GALNT13: variants seen among roughly 807,000 people sequenced by gnomAD.
The protein encoded by GALNT13 is UDP-GalNAc:polypeptide N-acetylgalactosaminyltransferase 13.
A neutral mutation model predicts 64.2 loss-of-function variants in GALNT13; 28 were observed. That is an observed-to-expected ratio of 0.44 (90% confidence interval 0.32 to 0.60). The LOEUF (loss-of-function observed/expected upper bound fraction) is 0.60, where lower values mean the gene tolerates loss of function less well. GALNT13 is among the 20% of genes least tolerant of loss of function. GALNT13 has a pLI of 0.05. For missense variants in GALNT13, 577 were observed against 669.8 expected (o/e 0.86, Z 1.53); for synonymous variants, 214 against 224.6 (o/e 0.95, Z 0.42).
At chr2:153,328,021 T>G in the GALNT13 span, among the ~76,000 whole-genome samples, 1 of 152,168 alleles carries the variant, frequency 6.6e-6, no homozygotes, top group African/African-American at 2.4e-5. Flanking sequence ...CTGCTTTCTG[T>G]TTGTTAGTTT....
At chr2:154,317,952 A>G (rs570047723) in intron 9 of GALNT13, among the ~76,000 whole-genome samples, 50 of 152,000 alleles carry the variant, frequency 3.3e-4, no homozygotes, top group Non-Finnish European at 5.0e-4. Flanking sequence ...AAAAAATTAT[A>G]TAAGTCATTT....
chr2:153,335,690 A>G, the GALNT13 span, among the ~76,000 whole-genome samples: 649 of 152,352 alleles, frequency 4.3e-3, 3 homozygotes, highest in Middle Eastern at 0.017. Context: ...TGACTATGCA[A>G]TAGAGAAGAA....
chr2:153,774,056 G>T, the GALNT13 span, among the ~76,000 whole-genome samples: 2 of 151,948 alleles, frequency 1.3e-5, no homozygotes, highest in Non-Finnish European at 2.9e-5. Context: ...TGCTGATGGG[G>T]TATAATTTGA....
chr2:154,129,932 T>A (rs747400111), intron 3 of GALNT13, among the ~76,000 whole-genome samples: 10 of 152,058 alleles, frequency 6.6e-5, no homozygotes, highest in Non-Finnish European at 1.2e-4. Flanking sequence ...TTAGTTCAGG[T>A]TCCTACCTCA....
At chr2:153,465,993 C>T in the GALNT13 span, among the ~76,000 whole-genome samples, 1 of 152,120 alleles carries the variant, frequency 6.6e-6, no homozygotes, top group Middle Eastern at 3.4e-3. Context: ...GCATAGCCAC[C>T]TGCCCGGTGC....
chr2:154,263,241 G>A (rs1370489931), intron 8 of GALNT13, among the ~76,000 whole-genome samples: 1 of 152,144 alleles, frequency 6.6e-6, no homozygotes, highest in African/African-American at 2.4e-5. Context: ...GTAAGCTTAG[G>A]TAAGATAGCA....
the GALNT13 span, among the ~76,000 whole-genome samples, chr2:153,857,937 A>G: frequency 6.6e-6 from 1 of 152,164 alleles, no homozygotes; most frequent in African/African-American, 2.4e-5. Context: ...AGAGCAGGAT[A>G]TGTAGTAAGA....
chr2:153,415,726 A>G, the GALNT13 span, among the ~76,000 whole-genome samples: 1 of 152,206 alleles, frequency 6.6e-6, no homozygotes, highest in Non-Finnish European at 1.5e-5. Context: ...TTTAAAATTT[A>G]CTGTAAACTA....
At chr2:153,633,300 G>T in the GALNT13 span, among the ~76,000 whole-genome samples, 49 of 152,238 alleles carry the variant, frequency 3.2e-4, no homozygotes, top group African/African-American at 1.1e-3. Context: ...GAATCACACA[G>T]CTGAGGATAT....
chr2:154,106,879 A>G (rs1702647703), intron 3 of GALNT13, among the ~76,000 whole-genome samples: 1 of 152,104 alleles, frequency 6.6e-6, no homozygotes, highest in Non-Finnish European at 1.5e-5. Flanking sequence ...CTCATGTTGA[A>G]ATTTGATCCC....
intron 3 of GALNT13, among the ~76,000 whole-genome samples, chr2:153,996,015 T>C (rs971978567): frequency 6.6e-6 from 1 of 152,196 alleles, no homozygotes; most frequent in African/African-American, 2.4e-5. Flanking sequence ...TTCCTTCTGG[T>C]TTTAATAGCC....
At chr2:154,234,353 C>G (rs1222649892) in intron 4 of GALNT13, among the ~76,000 whole-genome samples, 1 of 152,084 alleles carries the variant, frequency 6.6e-6, no homozygotes, top group African/African-American at 2.4e-5. Context: ...ATGTTCTCCT[C>G]CAAACTTCTG....
the GALNT13 span, among the ~76,000 whole-genome samples, chr2:153,591,656 T>C: frequency 2.0e-5 from 3 of 151,914 alleles, no homozygotes; most frequent in Non-Finnish European, 2.9e-5. Context: ...TATATCTATA[T>C]CTCTCACCAT....
chr2:154,194,053 C>A (rs1424392863), intron 4 of GALNT13, among the ~76,000 whole-genome samples: 2 of 152,110 alleles, frequency 1.3e-5, no homozygotes, highest in African/African-American at 4.8e-5. Context: ...AGCAGAATCA[C>A]CCAATGAAAA....
At chr2:153,748,025 A>T in the GALNT13 span, among the ~76,000 whole-genome samples, 1 of 152,164 alleles carries the variant, frequency 6.6e-6, no homozygotes, top group South Asian at 2.1e-4. Flanking sequence ...TCTTTTGGGT[A>T]TATGCATTGT....
chr2:154,371,760 C>CG (rs1553520470), intron 9 of GALNT13, among the ~76,000 whole-genome samples: 32 of 145,456 alleles, frequency 2.2e-4, no homozygotes, highest in Non-Finnish European at 2.9e-4. Flanking sequence ...AGGCCTTAAG[C>CG]TTTTTTTGTG....
the GALNT13 span, among the ~76,000 whole-genome samples, chr2:153,625,127 GCTTTTGAACTA>G: frequency 6.6e-6 from 1 of 151,930 alleles, no homozygotes; most frequent in South Asian, 2.1e-4. Flanking sequence ...AATTAGAAAG[GCTTTTGAACTA>G]CAGTCTCAAG....
chr2:154,427,214 G>C (rs1369674668), intron 11 of GALNT13, among the ~76,000 whole-genome samples: 1 of 152,148 alleles, frequency 6.6e-6, no homozygotes, highest in Non-Finnish European at 1.5e-5. Context: ...CCAACATTTT[G>C]ACAAAGACTC....
chr2:154,399,602 T>C (rs1399244097), intron 10 of GALNT13, among the ~76,000 whole-genome samples: 1 of 152,152 alleles, frequency 6.6e-6, no homozygotes, highest in African/African-American at 2.4e-5. Context: ...ACCTCTTGAA[T>C]CTTCTGATTC....
Sources: allele counts gnomAD v4.1 joint callset (sites outside exome capture counted in the v4.1 genomes callset), GRCh38; gene constraint gnomAD v4.1.1; transcripts MANE v1.5; gene names NCBI Gene and HGNC (gene_info 2026-07-23, HGNC 2026-07-21).